Variants in SEPTIN9 observed in about 807,000 individuals in gnomAD.
The protein encoded by SEPTIN9 is septin 9.
A neutral mutation model predicts 56.6 loss-of-function variants in SEPTIN9; 13 were observed. The ratio of observed to expected loss-of-function variants is 0.23; its 90% CI spans 0.15 to 0.37. The LOEUF is 0.37. SEPTIN9 is among the 10% of genes least tolerant of loss of function. The pLI, the probability that SEPTIN9 is intolerant of heterozygous loss-of-function variation, is 1.00. For synonymous variants in SEPTIN9, 332 were observed against 334.1 expected (o/e 0.99, Z 0.07); for missense variants, 650 against 823.1 (o/e 0.79, Z 2.57).
chr17:77,354,376 T>C (rs1315813832), intron 2 of SEPTIN9, among the ~76,000 whole-genome samples: 2 of 152,212 alleles, frequency 1.3e-5, no homozygotes, highest in Admixed American at 6.5e-5. Flanking sequence ...GAGTCAGGCC[T>C]TGAGCTGGTT....
Position 77,449,607 on chromosome 17 carries a change from T to C in SEPTIN9, c.722-32537T>C, listed in dbSNP as rs1317467352. Among the ~76,000 whole-genome samples, 1 of 152,138 alleles carries C rather than the reference T, an allele frequency of 6.6e-6. No individual in the cohort carries two copies. The highest frequency in any genetic ancestry group is 1.5e-5 in the Non-Finnish European group (1 of 68,028). On this transcript the variant is annotated intron_variant, in intron 3 of 11. Transcript: ENST00000427177. This position sits in a 1 kb window ranked among gnomAD's most constrained non-coding sequence, Gnocchi z 4.6. ...CACGGGGCAGGGGCGTGGTGGGAGC[T>C]GCATCCTCGAGGCTTTCTGTTGACC...
In SEPTIN9 at chr17:77,405,289, A is replaced by G. The variant is rs2036028914; in HGVS notation, c.721+2586A>G. 1 of 660,404 alleles carries G rather than the reference A, an allele frequency of 1.5e-6. No individual in the cohort carries two copies. Among genetic ancestry groups the G allele is most frequent in the Non-Finnish European group, 2.6e-6 (1 of 388,764 alleles). 40.9% of individuals were successfully genotyped at this position (660,404 alleles called of 1,614,324 possible). ...GCTTTCTGGAGCTCACCGAGCCGTG[A>G]GCAGGATGGCTGGGACACAAGGAGT... On this transcript the variant is annotated intron_variant, in intron 3 of 11. Coordinates refer to ENST00000427177, the MANE Select transcript of SEPTIN9 (RefSeq NM_001113491.2). This position sits in a 1 kb window ranked among gnomAD's most constrained non-coding sequence, Gnocchi z 5.8.
At chr17:77,401,660 C>A (rs922377099) in intron 2 of SEPTIN9, among the ~76,000 whole-genome samples, 1 of 151,780 alleles carries the variant, frequency 6.6e-6, no homozygotes, top group Non-Finnish European at 1.5e-5. Flanking sequence ...GTAGGAGAAT[C>A]GCTTGAACCC....
Position 77,487,209 on chromosome 17 carries a change from C to T in SEPTIN9, c.914-215C>T, listed in dbSNP as rs961742704. 5.9e-5 allele frequency among the ~76,000 whole-genome samples: 9 copies of T among 152,214 alleles called. No homozygotes were observed. The highest frequency in any genetic ancestry group is 8.8e-5 in the Non-Finnish European group (6 of 68,024). On this transcript the variant is annotated intron_variant, in intron 4 of 11. Transcript: ENST00000427177. This position sits in a 1 kb window ranked among gnomAD's most constrained non-coding sequence, Gnocchi z 4.3. The stretch of plus-strand genomic sequence containing the variant: ...ACTGTGGCCTGGGTTGTGCTGGCAT[C>T]AGAGCCCGGCTGTGTGGGTTTACAC...
Position 77,429,933 on chromosome 17 carries a change from C to T in SEPTIN9, c.721+27230C>T, listed in dbSNP as rs9896495. 8.4e-3 allele frequency among the ~76,000 whole-genome samples: 1,273 copies of T among 152,298 alleles called. 24 individuals carry two copies. Among genetic ancestry groups the T allele is most frequent in the African/African-American group, 0.028 (1,173 of 41,544 alleles). On this transcript the variant is annotated intron_variant, in intron 3 of 11. Coordinates refer to ENST00000427177, the MANE Select transcript of SEPTIN9 (RefSeq NM_001113491.2). The surrounding 1 kb of genome is among the most constrained non-coding windows in gnomAD (Gnocchi z 5.2). ...CAAATCCTTTAGATGCTTCTGGGTT[C>T]CATGGGCGCCTTACACTGGCTTCCC...
Position 77,369,071 on chromosome 17 carries a change from T to C in SEPTIN9, c.77-32988T>C, listed in dbSNP as rs889942930. Among the ~76,000 whole-genome samples, 1 of 152,020 alleles carries C rather than the reference T, an allele frequency of 6.6e-6. No homozygotes were observed. The highest frequency in any genetic ancestry group is 2.4e-5 in the African/African-American group (1 of 41,382). On this transcript the variant is annotated intron_variant, in intron 2 of 11. Transcript: ENST00000427177. This position sits in a 1 kb window ranked among gnomAD's most constrained non-coding sequence, Gnocchi z 4.9. Reference sequence around the variant, plus strand: ...CAGCAGGGTGAATCCTCATCTCTAGTAAAAATACAAAAATTAGCCAGGAGT... The same window carrying C: ...CAGCAGGGTGAATCCTCATCTCTAGCAAAAATACAAAAATTAGCCAGGAGT...
chr17:77,297,514 C>T (rs1342284038), intron 1 of SEPTIN9, among the ~76,000 whole-genome samples: 1 of 152,190 alleles, frequency 6.6e-6, no homozygotes, highest in Non-Finnish European at 1.5e-5. Flanking sequence ...AAACTGACAC[C>T]TGCCGTCAGC....
rs1471300543 is a variant in SEPTIN9 at position 77,357,574 on chromosome 17, T to C, written c.77-44485T>C. On this transcript the variant is annotated intron_variant, in intron 2 of 11. Transcript: ENST00000427177. ...AATTTCAGGTCATCCTGATTATCTC[T>C]GGAATCACTGTCAGAAATTCCCTCC... 4.6e-5 allele frequency among the ~76,000 whole-genome samples: 7 copies of C among 151,926 alleles called. 1 individual carries two copies. Among genetic ancestry groups the C allele is most frequent in the Admixed American group, 2.6e-4 (4 of 15,262 alleles).
Position 77,499,106 on chromosome 17 carries a change from G to T in SEPTIN9, c.*448G>T. The T allele has an allele frequency of 3.7e-6, 2 of 536,386 alleles. No homozygotes were observed. Among genetic ancestry groups the T allele is most frequent in the Non-Finnish European group, 7.2e-6 (2 of 276,408 alleles). The allele number at this position is 536,386 out of a possible 1,614,324, so 33.2% of individuals were successfully genotyped here. ...GCCCTGTCCCCTGGAGTGTGTCAGA[G>T]CCCAGGGGAGAATGCAGCCCACCAG... On this transcript the variant is annotated 3_prime_UTR_variant, in exon 12 of 12. Coordinates refer to ENST00000427177, the MANE Select transcript of SEPTIN9 (RefSeq NM_001113491.2).
intron 4 of SEPTIN9, among the ~76,000 whole-genome samples, chr17:77,484,281 G>GGTGGGATGGTGGTGGTGATA: frequency 6.7e-6 from 1 of 149,514 alleles, no homozygotes; most frequent in African/African-American, 2.5e-5. Flanking sequence ...TGGTGATAGT[G>GGTGGGATGGTGGTGGTGATA]GTGGGATGGT....
intron 3 of SEPTIN9, chr17:77,454,380 G>A (rs545803979): frequency 4.1e-6 from 4 of 985,516 alleles, no homozygotes; most frequent in Middle Eastern, 5.2e-4. Context: ...ACCTGTTCCC[G>A]GAGCTCAGCA....
chr17:77,484,523 A>G, intron 4 of SEPTIN9, among the ~76,000 whole-genome samples: 4 of 99,866 alleles, frequency 4.0e-5, no homozygotes, highest in East Asian at 3.5e-4. Context: ...GATGGTGGTA[A>G]TTGTGATGGT....
At chr17:77,358,957 G>T (rs1376558815) in intron 2 of SEPTIN9, among the ~76,000 whole-genome samples, 1 of 152,160 alleles carries the variant, frequency 6.6e-6, no homozygotes, top group African/African-American at 2.4e-5. Context: ...CCCGGACCTA[G>T]TTCATTCCTT....
intron 3 of SEPTIN9, among the ~76,000 whole-genome samples, chr17:77,422,490 C>T (rs945646161): frequency 3.3e-5 from 5 of 152,086 alleles, no homozygotes; most frequent in Non-Finnish European, 7.4e-5. Context: ...GGCCAGGTCT[C>T]CAGAGTTCTA....
chr17:77,418,730 C>G (rs1411362574), intron 3 of SEPTIN9, among the ~76,000 whole-genome samples: 1 of 152,216 alleles, frequency 6.6e-6, no homozygotes, highest in Non-Finnish European at 1.5e-5. Flanking sequence ...TCCAGATGCT[C>G]TGCAAAGCCA....
intron 3 of SEPTIN9, among the ~76,000 whole-genome samples, chr17:77,407,977 A>G (rs2036151365): frequency 7.0e-6 from 1 of 142,470 alleles, no homozygotes; most frequent in Non-Finnish European, 1.6e-5. Flanking sequence ...AGCCCCCCCC[A>G]CCAGAGTTAC....
At chr17:77,414,770 G>T (rs1045521366) in intron 3 of SEPTIN9, among the ~76,000 whole-genome samples, 2 of 151,938 alleles carry the variant, frequency 1.3e-5, no homozygotes, top group Non-Finnish European at 2.9e-5. Context: ...TAGAGATGGG[G>T]TTTCACCATG....
intron 3 of SEPTIN9, among the ~76,000 whole-genome samples, chr17:77,472,149 G>A (rs772840056): frequency 2.6e-5 from 4 of 152,176 alleles, no homozygotes; most frequent in Admixed American, 2.0e-4. Context: ...CTCAGGCTAG[G>A]GAGGTGGTGG....
At chr17:77,457,465 C>T (rs563080223) in intron 3 of SEPTIN9, among the ~76,000 whole-genome samples, 6 of 152,248 alleles carry the variant, frequency 3.9e-5, no homozygotes, top group Non-Finnish European at 7.4e-5. Context: ...CCAGAGGTGC[C>T]GGAGCAGACG....
Sources: allele counts gnomAD v4.1 joint callset (sites outside exome capture counted in the v4.1 genomes callset), GRCh38; gene constraint gnomAD v4.1.1; non-coding constraint Gnocchi (gnomAD v3.1); transcripts MANE v1.5; gene names NCBI Gene and HGNC (gene_info 2026-07-23, HGNC 2026-07-21).